The following SLIT2 variants were observed in gnomAD, a reference collection of about 807,000 sequenced individuals.
The protein encoded by SLIT2 is slit homolog 2 protein.
Under a neutral mutation model 185.7 loss-of-function variants are expected in SLIT2, and 41 were observed. The ratio of observed to expected loss-of-function variants is 0.22; its 90% confidence interval spans 0.17 to 0.29. The LOEUF (loss-of-function observed/expected upper bound fraction) is 0.29, where lower values mean the gene tolerates loss of function less well. Among genes scored for constraint, SLIT2 ranks in the 10% least tolerant of loss-of-function variants. SLIT2 has a pLI of 1.00. For synonymous variants in SLIT2, 693 were observed against 680.2 expected (o/e 1.02, Z -0.29); for missense variants, 1,571 against 1,909.0 (o/e 0.82, Z 3.30).
rs143537081 is a variant in SLIT2 at position 20,548,060 on chromosome 4, G to C, written c.2346-428G>C. On this transcript the variant is annotated intron_variant, in intron 22 of 36. Coordinates refer to ENST00000504154, the MANE Select transcript of SLIT2 (RefSeq NM_004787.4). ...CAATGAGGGTAAAGTATGTGTATCT[G>C]ATAGGACTTTTGAAGATAAGGGTTT... is the stretch of plus-strand genomic sequence containing the variant. 2.6e-3 allele frequency among the ~76,000 whole-genome samples: 399 copies of C among 152,144 alleles called. 10 individuals are homozygous for C. The South Asian group carries it at 0.06, about 23-fold the overall frequency.
intron 4 of SLIT2, among the ~76,000 whole-genome samples, chr4:20,352,656 G>A (rs61789383): frequency 0.075 from 11,421 of 152,290 alleles, 585 homozygotes; most frequent in South Asian, 0.17. Context: ...GCTCACGCCT[G>A]TAATCCCAGC....
At chr4:20,396,541 T>G (rs1725907589) in intron 4 of SLIT2, among the ~76,000 whole-genome samples, 1 of 151,822 alleles carries the variant, frequency 6.6e-6, no homozygotes, top group Non-Finnish European at 1.5e-5. Flanking sequence ...GTTGATAATT[T>G]GCAAAATAAG....
chr4:20,457,118 TAATACCAATTTTCTAATC>T (rs1468213364), intron 4 of SLIT2, among the ~76,000 whole-genome samples: 2 of 152,074 alleles, frequency 1.3e-5, no homozygotes, highest in Non-Finnish European at 2.9e-5. Context: ...TCCATAAGTA[TAATACCAATTTTCTAATC>T]ATTGATGGGC....
At chr4:20,323,614 A>T (rs1207165778) in intron 4 of SLIT2, among the ~76,000 whole-genome samples, 1 of 152,216 alleles carries the variant, frequency 6.6e-6, no homozygotes, top group African/African-American at 2.4e-5. Flanking sequence ...ACCGGCCTCC[A>T]GCCACAGTGC....
intron 4 of SLIT2, among the ~76,000 whole-genome samples, chr4:20,325,790 C>T (rs989131327): frequency 3.9e-5 from 6 of 152,154 alleles, no homozygotes; most frequent in African/African-American, 1.4e-4. Flanking sequence ...CAATAAATAC[C>T]TCTCTGAGTT....
chr4:20,483,554 C>CT (rs1716916170), intron 6 of SLIT2, among the ~76,000 whole-genome samples: 1 of 151,910 alleles, frequency 6.6e-6, no homozygotes, highest in African/African-American at 2.4e-5. Context: ...GTTTATTTTT[C>CT]TTTTTCACAG....
chr4:20,442,151 C>T (rs1170455316), intron 4 of SLIT2, among the ~76,000 whole-genome samples: 4 of 151,860 alleles, frequency 2.6e-5, no homozygotes, highest in East Asian at 3.9e-4. Context: ...GAACAGATTG[C>T]GGTGGTGGGC....
At chr4:20,541,855 T>TA (rs201734249) in intron 20 of SLIT2, among the ~76,000 whole-genome samples, 31,669 of 152,126 alleles carry the variant, frequency 0.21, 3,974 homozygotes, top group Middle Eastern at 0.36. Context: ...TTCCAACTTG[T>TA]GGTTGGTCTT....
intron 4 of SLIT2, among the ~76,000 whole-genome samples, chr4:20,449,148 AATTAAAGTG>A (rs1165607117): frequency 6.6e-6 from 1 of 152,196 alleles, no homozygotes; most frequent in African/African-American, 2.4e-5. Context: ...AATTGTTTTC[AATTAAAGTG>A]ATTAATTTTA....
rs756224872 is a variant in SLIT2 at position 20,525,143 on chromosome 4, A to G, written c.1439-6A>G. ...TCTTCTATTTTTTGTCTCTTTTTTT[A>G]TTTAGCTAAAGAACAGTATTTCATT... On this transcript the variant is annotated splice_polypyrimidine_tract_variant and splice_region_variant and intron_variant, in intron 14 of 36. Coordinates refer to ENST00000504154, the MANE Select transcript of SLIT2 (RefSeq NM_004787.4). 2 of 1,605,676 alleles carry G rather than the reference A, an allele frequency of 1.2e-6. No homozygotes were observed. Among genetic ancestry groups the G allele is most frequent in the South Asian group, 2.2e-5 (2 of 90,866 alleles).
intron 30 of SLIT2, among the ~76,000 whole-genome samples, chr4:20,595,134 G>A (rs936631053): frequency 3.9e-5 from 6 of 152,048 alleles, no homozygotes; most frequent in East Asian, 1.9e-4. Flanking sequence ...TGTCAGTCCC[G>A]TTCTTCTATA....
At chr4:20,573,573 C>T (rs937258509) in intron 29 of SLIT2, among the ~76,000 whole-genome samples, 5 of 152,000 alleles carry the variant, frequency 3.3e-5, no homozygotes, top group Non-Finnish European at 7.4e-5. Context: ...TGTCTATATT[C>T]TTTCACTTTT....
intron 4 of SLIT2, among the ~76,000 whole-genome samples, chr4:20,282,182 T>C (rs1714840585): frequency 6.6e-6 from 1 of 152,204 alleles, no homozygotes; most frequent in South Asian, 2.1e-4. Context: ...CTTTCCCATT[T>C]AGAAGCCATA....
chr4:20,254,063 C>G lies in SLIT2; in HGVS notation c.179+69C>G. The G allele has an allele frequency of 6.7e-7, 1 of 1,485,622 alleles. No homozygotes were observed. The highest frequency in any genetic ancestry group is 2.3e-5 in the East Asian group (1 of 44,014). The allele number at this position is 1,485,622 out of a possible 1,614,324, so 92.0% of individuals were successfully genotyped here. On this transcript the variant is annotated intron_variant, in intron 1 of 36. Transcript: ENST00000504154. The surrounding 1 kb of genome is among the most constrained non-coding windows in gnomAD (Gnocchi z 5.1). ...CGCACCCCTGCCTCCACTGGAGGAA[C>G]CTGTCAGCTCAGGGTCCTGTGCCTG...
chr4:20,592,747 C>T (rs1727610972), intron 30 of SLIT2, among the ~76,000 whole-genome samples: 2 of 152,080 alleles, frequency 1.3e-5, no homozygotes, highest in Non-Finnish European at 1.5e-5. Context: ...TGGAAGTTCT[C>T]TTCTCGGGCC....
At chr4:20,533,492 G>A (rs1270725758) in intron 17 of SLIT2, 80 bp from the exon 18 acceptor site, 53 of 1,112,488 alleles carry the variant, frequency 4.8e-5, no homozygotes. Context: ...TGGATCATTA[G>A]AAGAAAATTA....
chr4:20,614,096 C>T (rs1229770728), intron 34 of SLIT2, among the ~76,000 whole-genome samples: 1 of 152,086 alleles, frequency 6.6e-6, no homozygotes, highest in Admixed American at 6.5e-5. Flanking sequence ...TGGTCTCAAA[C>T]TCCTGACCTC....
rs1729966087 is a variant in SLIT2 at position 20,620,027 on chromosome 4, C to T, written c.*1018C>T. The T allele has an allele frequency of 1.2e-5, 2 of 164,266 alleles. No individual in the cohort carries two copies. Among genetic ancestry groups the T allele is most frequent in the Non-Finnish European group, 2.6e-5 (2 of 75,758 alleles). 10.2% of individuals were successfully genotyped at this position (164,266 alleles called of 1,614,324 possible). ...TCACTGATGTCAATGACCTACTGGC[C>T]TCATTCAGGACACCTGCAGAGAGTA... is the stretch of plus-strand genomic sequence containing the variant. On this transcript the variant is annotated 3_prime_UTR_variant, in exon 37 of 37. Coordinates refer to ENST00000504154, the MANE Select transcript of SLIT2 (RefSeq NM_004787.4).
intron 9 of SLIT2, among the ~76,000 whole-genome samples, chr4:20,505,304 C>T (rs775409304): frequency 2.0e-5 from 3 of 151,900 alleles, no homozygotes; most frequent in Non-Finnish European, 4.4e-5. Context: ...GAATTTAGTC[C>T]ATGTCTATAT....
Sources: gnomAD v4.1 joint callset for allele counts (sites outside exome capture counted in the v4.1 genomes callset) on GRCh38, gnomAD v4.1.1 for gene constraint, Gnocchi (gnomAD v3.1) non-coding constraint, MANE v1.5 for transcripts, NCBI Gene and HGNC (gene_info 2026-07-23, HGNC 2026-07-21) for gene names.